The following TACC1 variants were observed in gnomAD, a reference collection of about 807,000 sequenced individuals.
The protein encoded by TACC1 is transforming acidic coiled-coil-containing protein 1.
In TACC1, 48 loss-of-function variants were observed where a neutral mutation model predicts 84.4. The observed-to-expected ratio is 0.57, with a 90% CI of 0.45 to 0.72. The LOEUF (loss-of-function observed/expected upper bound fraction) is 0.72, where lower values mean the gene tolerates loss of function less well. TACC1 is among the 30% of genes least tolerant of loss of function. The pLI is 0.00. For missense variants in TACC1, 920 were observed against 973.0 expected (o/e 0.95, Z 0.72); for synonymous variants, 372 against 376.3 (o/e 0.99, Z 0.13).
At chr8:38,843,021 T>C (rs763263494) in intron 10 of TACC1, among the ~76,000 whole-genome samples, 1 of 152,238 alleles carries the variant, frequency 6.6e-6, no homozygotes, top group Non-Finnish European at 1.5e-5. Context: ...CGAATTGCCA[T>C]TCAGTTTTGA....
intron 9 of TACC1, among the ~76,000 whole-genome samples, chr8:38,841,642 A>G (rs1831289807): frequency 6.6e-6 from 1 of 152,204 alleles, no homozygotes; most frequent in African/African-American, 2.4e-5. Flanking sequence ...AGTTAGGTTC[A>G]TTTTAGAAGA....
In TACC1 at chr8:38,835,287, G is replaced by A. The variant is rs537991583; in HGVS notation, c.1714-875G>A. 2.6e-5 allele frequency among the ~76,000 whole-genome samples: 4 copies of A among 152,152 alleles called. No individual in the cohort carries two copies. The South Asian group carries it at 6.3e-4, about 24-fold the overall frequency. ...AAAAAAAAGTTTACTTCCGTAGGTA[G>A]GAGGAATAGCCAGCAAAAACGTCTT... On this transcript the variant is annotated intron_variant, in intron 6 of 12. Coordinates refer to ENST00000317827, the MANE Select transcript of TACC1 (RefSeq NM_006283.3).
chr8:38,769,640 G>A (rs992227334), intron 3 of TACC1, among the ~76,000 whole-genome samples: 5 of 148,072 alleles, frequency 3.4e-5, no homozygotes, highest in Admixed American at 6.7e-5. Context: ...GTGTGACTAC[G>A]TGGGGTGTGT....
At chr8:38,838,905 T>C (rs908742037) in intron 8 of TACC1, among the ~76,000 whole-genome samples, 1 of 151,966 alleles carries the variant, frequency 6.6e-6, no homozygotes, top group African/African-American at 2.4e-5. Flanking sequence ...AATACTACTT[T>C]TTTTTTTTTG....
upstream of TACC1, among the ~76,000 whole-genome samples, chr8:38,783,370 A>C (rs1816519669): frequency 6.6e-6 from 1 of 151,876 alleles, no homozygotes; most frequent in Non-Finnish European, 1.5e-5. Context: ...CCAAGTCTTT[A>C]ATAAATGCAG....
At chr8:38,743,433 G>A (rs1232650918) in intron 2 of TACC1, among the ~76,000 whole-genome samples, 2 of 152,132 alleles carry the variant, frequency 1.3e-5, no homozygotes, top group East Asian at 3.8e-4. Context: ...ATAATGGTTG[G>A]GGGGCAGTTT....
intron 3 of TACC1, among the ~76,000 whole-genome samples, chr8:38,821,613 C>G (rs1826839319): frequency 6.6e-6 from 1 of 152,204 alleles, no homozygotes; most frequent in African/African-American, 2.4e-5. Context: ...TCCCCCATCT[C>G]TCCTGGGAAA....
intron 3 of TACC1, among the ~76,000 whole-genome samples, chr8:38,755,734 CAACAACAACAACAACAACA>C (rs1189694426): frequency 4.4e-4 from 59 of 133,434 alleles, no homozygotes; most frequent in Non-Finnish European, 5.6e-4. Flanking sequence ...ACAACAACAA[CAACAACAACAACAACAACA>C]GAGTGTTCCT....
rs1817434863 is a variant in TACC1, at chr8:38,787,272, AGC to A, written c.-310_-309del. 1 of 1,068,526 alleles carries A rather than the reference AGC, an allele frequency of 9.4e-7. No homozygotes were observed. Among genetic ancestry groups the A allele is most frequent in the Admixed American group, 5.4e-5 (1 of 18,412 alleles). The allele number at this position is 1,068,526 out of a possible 1,614,324, so 66.2% of individuals were successfully genotyped here. ...CCGGGAGCGGGAGCAGCAGAGGTCT[AGC>A]AGCCGGGCGCCGCGGGCCGGGGGCC... On this transcript the variant is annotated 5_prime_UTR_variant, in exon 1 of 13. Transcript: ENST00000317827.
chr8:38,844,576 T>C, intron 11 of TACC1, among the ~76,000 whole-genome samples: 1 of 152,238 alleles, frequency 6.6e-6, no homozygotes, highest in South Asian at 2.1e-4. Flanking sequence ...TGCTTTACTA[T>C]GAATTACTCT....
At chr8:38,838,693 A>T (rs2030228079) in intron 8 of TACC1, 147 bp downstream of exon 8, 2 of 635,590 alleles carry the variant, frequency 3.1e-6, no homozygotes, top group Non-Finnish European at 5.6e-6. Flanking sequence ...TTTGTGATTG[A>T]GAATGTTATT....
At chr8:38,754,770 G>A (rs552563461) in intron 3 of TACC1, among the ~76,000 whole-genome samples, 2 of 152,180 alleles carry the variant, frequency 1.3e-5, no homozygotes, top group Non-Finnish European at 2.9e-5. Flanking sequence ...TCAAAATACT[G>A]TTTATGTCTA....
At chr8:38,741,323 T>G (rs1483993760) in intron 1 of TACC1, among the ~76,000 whole-genome samples, 1 of 151,892 alleles carries the variant, frequency 6.6e-6, no homozygotes, top group Non-Finnish European at 1.5e-5. Flanking sequence ...GCCTGGCTGA[T>G]TTTTTTTGTA....
chr8:38,805,973 C>G (rs1822599625), intron 2 of TACC1, among the ~76,000 whole-genome samples: 1 of 152,204 alleles, frequency 6.6e-6, no homozygotes, highest in Admixed American at 6.5e-5. Flanking sequence ...GCAATCTAGG[C>G]CACTGCCTTG....
At chr8:38,750,161 G>A (rs1808776297) in intron 3 of TACC1, among the ~76,000 whole-genome samples, 1 of 152,160 alleles carries the variant, frequency 6.6e-6, no homozygotes, top group South Asian at 2.1e-4. Context: ...TCCAGCCTGG[G>A]CAACATAGCA....
intron 3 of TACC1, chr8:38,745,520 GT>G (rs746856593): frequency 1.2e-5 from 8 of 681,234 alleles, no homozygotes; most frequent in Middle Eastern, 2.5e-4. Flanking sequence ...TTGTTTTCTT[GT>G]TTTTTTTCTG....
chr8:38,769,134 A>G lies in TACC1; in HGVS notation c.27-19570A>G, dbSNP rs551620712. 1.1e-4 allele frequency among the ~76,000 whole-genome samples: 12 copies of G among 107,026 alleles called. No individual in the cohort carries two copies. The South Asian group carries it at 1.9e-3, about 17-fold the overall frequency. The allele number at this position is 107,026 out of a possible 152,430, so 70.2% of individuals were successfully genotyped here. ...CTGTATGGGTGGGGGTGTGTGTGGT[A>G]TATGTGTGACTAGGTGTGTGGTGTG... is the stretch of plus-strand genomic sequence containing the variant. On this transcript the variant is annotated intron_variant, in intron 3 of 14. Coordinates refer to the TACC1 transcript ENST00000518415.
intron 7 of TACC1, among the ~76,000 whole-genome samples, chr8:38,837,394 A>G (rs528513136): frequency 2.6e-4 from 39 of 152,196 alleles, no homozygotes; most frequent in Non-Finnish European, 4.3e-4. Flanking sequence ...TTGCACTCCA[A>G]CCTGGGCAAC....
chr8:38,741,713 C>G (rs1463922818), intron 1 of TACC1, among the ~76,000 whole-genome samples: 1 of 152,148 alleles, frequency 6.6e-6, no homozygotes, highest in Non-Finnish European at 1.5e-5. Flanking sequence ...ATCCATGTTT[C>G]AATACCCAAA....
Sources: allele counts gnomAD v4.1 joint callset (sites outside exome capture counted in the v4.1 genomes callset), GRCh38; gene constraint gnomAD v4.1.1; transcripts MANE v1.5; gene names NCBI Gene and HGNC (gene_info 2026-07-23, HGNC 2026-07-21).